DOCK4: variants seen among roughly 807,000 people sequenced by gnomAD.
DOCK4 encodes dedicator of cytokinesis 4.
Under a neutral mutation model 268.1 loss-of-function variants are expected in DOCK4, and 97 were observed. The observed-to-expected ratio is 0.36, with a 90% CI of 0.31 to 0.43. The LOEUF (loss-of-function observed/expected upper bound fraction) is 0.43, where lower values mean the gene tolerates loss of function less well. Among genes scored for constraint, DOCK4 ranks in the 20% least tolerant of loss-of-function variants. The pLI, the probability that DOCK4 is intolerant of heterozygous loss-of-function variation, is 1.00. For synonymous variants in DOCK4, 954 were observed against 887.2 expected, an observed-to-expected ratio of 1.08 and a Z score of -1.34; for missense variants, 2,145 against 2,455.7, an observed-to-expected ratio of 0.87 and a Z score of 2.67.
chr7:111,893,728 T>C (rs187622756), intron 16 of DOCK4, among the ~76,000 whole-genome samples: 142 of 152,348 alleles, frequency 9.3e-4, no homozygotes, highest in Admixed American at 3.3e-3. Flanking sequence ...TTAGCTTTGT[T>C]AGCTCTTTTA....
intron 1 of DOCK4, among the ~76,000 whole-genome samples, chr7:112,164,280 A>T (rs1317939835): frequency 6.6e-6 from 1 of 151,402 alleles, no homozygotes; most frequent in East Asian, 1.9e-4. Flanking sequence ...CTAAAAAAAG[A>T]AAAAAGACCC....
At chr7:111,922,259 T>C (rs951649422) in intron 12 of DOCK4, among the ~76,000 whole-genome samples, 2 of 152,202 alleles carry the variant, frequency 1.3e-5, no homozygotes, top group Non-Finnish European at 2.9e-5. Context: ...TTTTGTTTGC[T>C]TCTCTTTTTT....
intron 25 of DOCK4, among the ~76,000 whole-genome samples, chr7:111,837,463 G>T (rs1411330007): frequency 6.6e-6 from 1 of 152,130 alleles, no homozygotes; most frequent in Non-Finnish European, 1.5e-5. Flanking sequence ...TTTTTAAAAA[G>T]CTGTCTTTCT....
chr7:111,916,947 T>C (rs1792637788), intron 12 of DOCK4, among the ~76,000 whole-genome samples: 7 of 150,994 alleles, frequency 4.6e-5, no homozygotes, highest in Admixed American at 4.6e-4. Context: ...TGTAGTCTTT[T>C]ATCCCTCACC....
intron 39 of DOCK4, among the ~76,000 whole-genome samples, 180 bp from the exon 40 acceptor site, chr7:111,760,502 T>C (rs1024643617): frequency 6.6e-6 from 1 of 152,158 alleles, no homozygotes; most frequent in African/African-American, 2.4e-5. Context: ...ATAAAGATCA[T>C]GAGTTCACTC....
intron 2 of DOCK4, 31 bp from the exon 3 acceptor site, chr7:112,000,565 A>G (rs1288654300): frequency 2.0e-6 from 3 of 1,484,040 alleles, no homozygotes; most frequent in South Asian, 1.4e-5. Context: ...TCATATTTTG[A>G]TAAACCATTG....
chr7:111,966,020 C>A (rs1797327760), intron 8 of DOCK4, among the ~76,000 whole-genome samples: 1 of 26,602 alleles, frequency 3.8e-5, no homozygotes, highest in Non-Finnish European at 5.8e-5. Flanking sequence ...AGAACAAAGA[C>A]ACCACATACC....
At chr7:112,137,556 T>G (rs1814478986) in intron 1 of DOCK4, among the ~76,000 whole-genome samples, 1 of 152,226 alleles carries the variant, frequency 6.6e-6, no homozygotes, top group Non-Finnish European at 1.5e-5. Flanking sequence ...AATTCTGCAT[T>G]ATAACTTTAA....
chr7:112,011,215 C>G (rs1586635440), intron 1 of DOCK4, among the ~76,000 whole-genome samples: 1 of 152,230 alleles, frequency 6.6e-6, no homozygotes, highest in Non-Finnish European at 1.5e-5. Flanking sequence ...CATCACAGAT[C>G]AACTTCGCCC....
chr7:112,160,659 T>C (rs566581453), intron 1 of DOCK4, among the ~76,000 whole-genome samples: 1 of 152,318 alleles, frequency 6.6e-6, no homozygotes, highest in East Asian at 1.9e-4. Flanking sequence ...GCACCCCCAC[T>C]GCCCCAGCCA....
At chr7:111,948,284 G>T (rs1163960763) in intron 8 of DOCK4, among the ~76,000 whole-genome samples, 2 of 152,178 alleles carry the variant, frequency 1.3e-5, no homozygotes, top group Non-Finnish European at 2.9e-5. Flanking sequence ...TCACAGAGAT[G>T]ATGTGTGGCT....
chr7:111,729,297 C>A (rs1441780369), intron 52 of DOCK4, among the ~76,000 whole-genome samples: 2 of 152,116 alleles, frequency 1.3e-5, no homozygotes, highest in South Asian at 2.1e-4. Context: ...TGGTGGCTCA[C>A]GCCTGTAATC....
At chr7:112,151,096 T>C (rs1816019351) in intron 1 of DOCK4, among the ~76,000 whole-genome samples, 1 of 152,166 alleles carries the variant, frequency 6.6e-6, no homozygotes, top group Non-Finnish European at 1.5e-5. Context: ...ACTTTTATCA[T>C]ACCCTGGAGC....
chr7:111,905,932 G>A (rs1182805646), intron 13 of DOCK4, among the ~76,000 whole-genome samples: 1 of 152,094 alleles, frequency 6.6e-6, no homozygotes, highest in African/African-American at 2.4e-5. Flanking sequence ...CCTACTATGT[G>A]CTGGGTACTT....
intron 41 of DOCK4, among the ~76,000 whole-genome samples, chr7:111,756,348 C>T (rs1013373871): frequency 6.6e-6 from 1 of 151,812 alleles, no homozygotes; most frequent in Non-Finnish European, 1.5e-5. Flanking sequence ...GACTCCTTCT[C>T]AAAAAAATTA....
chr7:112,184,577 C>T (rs1819333454), intron 1 of DOCK4, among the ~76,000 whole-genome samples: 1 of 152,048 alleles, frequency 6.6e-6, no homozygotes, highest in South Asian at 2.1e-4. Context: ...CTTTTGACTG[C>T]TTCCAAGCAG....
At chr7:112,003,924 A>C (rs1352542903) in intron 2 of DOCK4, 124 bp downstream of exon 2, 1 of 615,616 alleles carries the variant, frequency 1.6e-6, no homozygotes, top group Admixed American at 3.7e-5. Context: ...GCAGGAAACA[A>C]TTTTGTCAAA....
intron 1 of DOCK4, among the ~76,000 whole-genome samples, chr7:112,190,205 T>C (rs1819823958): frequency 6.6e-6 from 1 of 152,194 alleles, no homozygotes; most frequent in African/African-American, 2.4e-5. Context: ...CTGAACTTAC[T>C]ACAGGTTAGC....
chr7:111,952,711 G>T (rs537742119), intron 8 of DOCK4, among the ~76,000 whole-genome samples: 1 of 152,046 alleles, frequency 6.6e-6, no homozygotes, highest in Non-Finnish European at 1.5e-5. Context: ...TACAAAGAAC[G>T]CTTGTAAAAT....
Sources: allele counts gnomAD v4.1 joint callset (sites outside exome capture counted in the v4.1 genomes callset), GRCh38; gene constraint gnomAD v4.1.1; transcripts MANE v1.5; gene names NCBI Gene and HGNC (gene_info 2026-07-23, HGNC 2026-07-21).